Variants in RTN4 observed in about 807,000 individuals in gnomAD.
RTN4 encodes the protein reticulon 4, also known as reticulon-4.
In RTN4, 32 loss-of-function variants were observed where a neutral mutation model predicts 90.4. The ratio of observed to expected loss-of-function variants is 0.35; its 90% confidence interval spans 0.27 to 0.48. The LOEUF is 0.48. Ranked by LOEUF, RTN4 falls within the 20% of genes least tolerant of loss-of-function variation. The pLI is 0.99. For synonymous variants in RTN4, 629 were observed against 552.5 expected (o/e 1.14, Z -1.94); for missense variants, 1,706 against 1,430.2 (o/e 1.19, Z -3.11).
chr2:55,028,259 G>A (rs769708559), intron 1 of RTN4, 39 bp from the exon 2 acceptor site: 1 of 1,578,168 alleles, frequency 6.3e-7, no homozygotes, highest in South Asian at 1.1e-5. Flanking sequence ...CAGAAATAAA[G>A]ACAGATTGAA....
intron 2 of RTN4, among the ~76,000 whole-genome samples, chr2:55,076,741 C>G (rs762080606): frequency 1.3e-5 from 2 of 152,028 alleles, no homozygotes; most frequent in African/African-American, 4.8e-5. Flanking sequence ...CCCCGCGTGT[C>G]TTGGGAGGGA....
At chr2:54,991,518 G>A (rs1679012503) in intron 3 of RTN4, among the ~76,000 whole-genome samples, 1 of 152,136 alleles carries the variant, frequency 6.6e-6, no homozygotes, top group African/African-American at 2.4e-5. Context: ...CTGGCCTTCA[G>A]TTTTATCGTC....
intron 1 of RTN4, among the ~76,000 whole-genome samples, chr2:55,030,309 A>G (rs1682209537): frequency 6.6e-6 from 1 of 152,160 alleles, no homozygotes; most frequent in Non-Finnish European, 1.5e-5. Flanking sequence ...GGTATTTCAA[A>G]GATTCATTAT....
Position 54,989,092 on chromosome 2 carries a change from T to C in RTN4, c.3014-1394A>G, listed in dbSNP as rs1291776923. 2.6e-5 allele frequency among the ~76,000 whole-genome samples: 4 copies of C among 152,234 alleles called. No individual in the cohort carries two copies. The South Asian group carries it at 8.3e-4, about 31-fold the overall frequency. ...AGGTCCCCTAAGATGTATGTAACTTTCCTTTGCTCTTAAGGGTACTTCTGT... is the reference window on the plus strand; with the variant it reads ...AGGTCCCCTAAGATGTATGTAACTTCCCTTTGCTCTTAAGGGTACTTCTGT... On this transcript the variant is annotated intron_variant, in intron 3 of 8. Coordinates refer to ENST00000337526, the MANE Select transcript of RTN4 (RefSeq NM_020532.5).
At chr2:54,985,866 C>T (rs1678519731) in intron 4 of RTN4, among the ~76,000 whole-genome samples, 1 of 152,176 alleles carries the variant, frequency 6.6e-6, no homozygotes, top group Non-Finnish European at 1.5e-5. Flanking sequence ...CTTTGTTTCC[C>T]CTACTTTCAA....
At position 55,026,753 on chromosome 2, in the gene RTN4, C is replaced by A; in HGVS notation, c.1346G>T (p.Ser449Ile). 6.2e-7 allele frequency: 1 copy of A among 1,613,908 alleles called. No individual in the cohort carries two copies. Among genetic ancestry groups the A allele is most frequent in the Non-Finnish European group, 8.5e-7 (1 of 1,179,884 alleles). Residue 449 changes from serine to isoleucine, a missense_variant, in exon 3 of 9, where the codon AGT becomes ATT. Ser to Ile is a moderately radical substitution (Grantham distance 142, BLOSUM62 -2). Coordinates refer to ENST00000337526, the MANE Select transcript of RTN4 (RefSeq NM_020532.5). ...ACGATCCTTTATACCTTCTGGCGTA[C>A]TGGGGAAAGAAGTATCATCATTACT... ...ESSNDDTSFP[S>I]TPEGIKDRSG...
intron 5 of RTN4, among the ~76,000 whole-genome samples, chr2:54,981,188 C>G (rs755901357): frequency 4.6e-5 from 7 of 151,852 alleles, no homozygotes; most frequent in Non-Finnish European, 7.4e-5. Context: ...ATAAGAGATG[C>G]GGCTGGGCGC....
intron 5 of RTN4, among the ~76,000 whole-genome samples, chr2:54,979,809 T>G (rs940085812): frequency 6.6e-6 from 1 of 152,228 alleles, no homozygotes; most frequent in African/African-American, 2.4e-5. Flanking sequence ...GCTAACATGA[T>G]GAGGCAACTG....
intron 1 of RTN4, among the ~76,000 whole-genome samples, chr2:55,094,986 C>T (rs926814820): frequency 6.6e-6 from 1 of 152,070 alleles, no homozygotes; most frequent in African/African-American, 2.4e-5. Context: ...CTTGTATTTC[C>T]CGTATTATCG....
chr2:55,015,387 A>G (rs1680959038), intron 3 of RTN4, among the ~76,000 whole-genome samples: 2 of 152,118 alleles, frequency 1.3e-5, no homozygotes, highest in Non-Finnish European at 2.9e-5. Context: ...CTATAAGTAA[A>G]TAAAAAATAT....
intron 3 of RTN4, among the ~76,000 whole-genome samples, chr2:54,993,230 T>C (rs1295880671): frequency 6.6e-6 from 1 of 152,156 alleles, no homozygotes; most frequent in Non-Finnish European, 1.5e-5. Flanking sequence ...ATGGTCCCAC[T>C]CTAATGGCAA....
the RTN4 span, among the ~76,000 whole-genome samples, chr2:55,134,819 T>A: frequency 5.9e-5 from 9 of 152,198 alleles, no homozygotes; most frequent in African/African-American, 2.2e-4. Context: ...GAGGAGTTAC[T>A]TACTCAGGGT....
intron 2 of RTN4, among the ~76,000 whole-genome samples, chr2:55,068,182 G>A (rs1204442111): frequency 6.6e-6 from 1 of 152,194 alleles, no homozygotes; most frequent in Non-Finnish European, 1.5e-5. Context: ...AACTCAATAA[G>A]TAGTAGTTTC....
chr2:55,026,472 C>T lies in RTN4; in HGVS notation c.1627G>A (p.Val543Met), dbSNP rs748984025. 1.9e-5 allele frequency: 31 copies of T among 1,613,830 alleles called. No individual in the cohort carries two copies. The highest frequency in any genetic ancestry group is 1.1e-4 in the East Asian group (5 of 44,898). Residue 543 changes from valine to methionine, a missense_variant, in exon 3 of 9, where the codon GTG (valine) becomes ATG (methionine). Transcript: ENST00000337526. ...DNLTKVTEEV[V>M]ANMPEGLTPD... ...GTCAGGCCTTCAGGCATGTTTGCCA[C>T]GACTTCCTCAGTCACCTTTGTTAAA...
intron 3 of RTN4, among the ~76,000 whole-genome samples, chr2:55,006,890 A>AG (rs1334711446): frequency 1.7e-4 from 26 of 152,210 alleles, no homozygotes; most frequent in African/African-American, 5.8e-4. Context: ...TCCATAACGC[A>AG]GGTTTTAGGC....
chr2:55,066,258 T>C (rs1668392269), intron 2 of RTN4, among the ~76,000 whole-genome samples: 1 of 151,876 alleles, frequency 6.6e-6, no homozygotes, highest in Non-Finnish European at 1.5e-5. Context: ...TGTATATGCA[T>C]GGGCAGTTCC....
At chr2:55,085,009 T>A (rs1668810205) in intron 1 of RTN4, among the ~76,000 whole-genome samples, 1 of 152,170 alleles carries the variant, frequency 6.6e-6, no homozygotes, top group South Asian at 2.1e-4. Flanking sequence ...CAGGCTGGTC[T>A]TTTACTCCTG....
At chr2:55,080,829 T>C (rs1668697750) in intron 1 of RTN4, among the ~76,000 whole-genome samples, 1 of 152,232 alleles carries the variant, frequency 6.6e-6, no homozygotes, top group African/African-American at 2.4e-5. Context: ...AACTGTCCCA[T>C]AGACAGGATC....
At chr2:54,976,292 G>T (rs912887741) in intron 5 of RTN4, among the ~76,000 whole-genome samples, 5 of 152,310 alleles carry the variant, frequency 3.3e-5, no homozygotes, top group African/African-American at 1.2e-4. Flanking sequence ...CTTCACACCT[G>T]AGCCACTGTA....
Sources: gnomAD v4.1 joint callset for allele counts (sites outside exome capture counted in the v4.1 genomes callset) on GRCh38, gnomAD v4.1.1 for gene constraint, MANE v1.5 for transcripts, NCBI Gene and HGNC (gene_info 2026-07-23, HGNC 2026-07-21) for gene names.